PCDHGA2: variants seen among roughly 807,000 people sequenced by gnomAD.
The protein encoded by PCDHGA2 is protocadherin gamma subfamily A, 2.
A neutral mutation model predicts 59.2 loss-of-function variants in PCDHGA2; 40 were observed. That is an observed-to-expected ratio of 0.68 (90% CI 0.52 to 0.88). The LOEUF is 0.88. Among genes scored for constraint, PCDHGA2 ranks in the 40% least tolerant of loss-of-function variants. The pLI is 0.00. For missense variants in PCDHGA2, 1,226 were observed against 1,204.0 expected (o/e 1.02, Z -0.27); for synonymous variants, 560 against 526.0 (o/e 1.06, Z -0.89).
chr5:141,349,199 A>G lies in PCDHGA2; in HGVS notation c.2424+7804A>G, dbSNP rs1402417617. On this transcript the variant is annotated intron_variant, in intron 1 of 3. Transcript: ENST00000394576. ...ATTCTGCTGCCTCAACCTCCCGAGTAGCTGGCGTTACAGGTACCCGCCACC... is the reference window on the plus strand; with the variant it reads ...ATTCTGCTGCCTCAACCTCCCGAGTGGCTGGCGTTACAGGTACCCGCCACC... 2.0e-5 allele frequency among the ~76,000 whole-genome samples: 3 copies of G among 151,900 alleles called. No homozygotes were observed. The East Asian group carries it at 5.8e-4, about 29-fold the overall frequency.
intron 1 of PCDHGA2, chr5:141,366,122 T>G: frequency 6.2e-7 from 1 of 1,614,210 alleles, no homozygotes. Context: ...GGACAAAGAT[T>G]CAGGCCAGAA....
chr5:141,414,469 G>T (rs944183814), intron 1 of PCDHGA2: 1 of 1,613,742 alleles, frequency 6.2e-7, no homozygotes, highest in African/African-American at 1.3e-5. Context: ...CACAGATGGG[G>T]GAAGTCCTCC....
At chr5:141,389,736 G>C in intron 1 of PCDHGA2, 1 of 1,612,710 alleles carries the variant, frequency 6.2e-7, no homozygotes, top group Non-Finnish European at 8.5e-7. Context: ...CTTCAGCCTG[G>C]GGCTGCGCAC....
rs1457099502 is a variant in PCDHGA2 at position 141,477,430 on chromosome 5, A to G, written c.2425-17377A>G. The G allele has an allele frequency of 1.2e-6, 2 of 1,614,162 alleles. No individual in the cohort carries two copies. The highest frequency in any genetic ancestry group is 1.7e-6 in the Non-Finnish European group (2 of 1,180,020). Reference sequence around the variant, plus strand: ...GAGACGCCGGAACCCCTTCCCTCTCAGCCCTTACAATAGTGCGTGTTCAAG... The same window carrying G: ...GAGACGCCGGAACCCCTTCCCTCTCGGCCCTTACAATAGTGCGTGTTCAAG... On this transcript the variant is annotated intron_variant, in intron 1 of 3. Transcript: ENST00000394576. This position sits in a 1 kb window ranked among gnomAD's most constrained non-coding sequence, Gnocchi z 4.9.
At position 141,389,178 on chromosome 5, in the gene PCDHGA2, T is replaced by G. The variant is rs1280956707; in HGVS notation, c.2424+47783T>G. 2 of 1,613,974 alleles carry G rather than the reference T, an allele frequency of 1.2e-6. No individual in the cohort carries two copies. The highest frequency in any genetic ancestry group is 1.7e-6 in the Non-Finnish European group (2 of 1,179,890). ...AGATCGGGGCAAGCCTCCCCTCTCC[T>G]CCAGTTCCAGCATCACCCTGCACAT... On this transcript the variant is annotated intron_variant, in intron 1 of 3. Coordinates refer to ENST00000394576, the MANE Select transcript of PCDHGA2 (RefSeq NM_018915.4).
chr5:141,400,528 A>G, intron 1 of PCDHGA2: 2 of 1,613,868 alleles, frequency 1.2e-6, no homozygotes, highest in South Asian at 2.2e-5. Flanking sequence ...TGAGTTGGTG[A>G]GTTTCATTTA....
Position 141,432,388 on chromosome 5 carries a change from C to T in PCDHGA2, c.2425-62419C>T. The T allele has an allele frequency of 6.2e-7, 1 of 1,614,258 alleles. No homozygotes were observed. The highest frequency in any genetic ancestry group is 2.2e-5 in the East Asian group (1 of 44,892). The stretch of plus-strand genomic sequence containing the variant: ...GGGACAACGGGCACCCGCCCCTCAG[C>T]AGCAACGTGTCGTTGAGCCTGTTCG... On this transcript the variant is annotated intron_variant, in intron 1 of 3. Transcript: ENST00000394576. This position sits in a 1 kb window ranked among gnomAD's most constrained non-coding sequence, Gnocchi z 6.0.
At chr5:141,376,944 C>T (rs1773563928) in intron 1 of PCDHGA2, 1 of 167,020 alleles carries the variant, frequency 6.0e-6, no homozygotes, top group Non-Finnish European at 1.3e-5. Context: ...GCCTCGGCCT[C>T]CCAAAGTGCT....
At chr5:141,389,014 A>G (rs768171301) in intron 1 of PCDHGA2, 54 of 1,614,000 alleles carry the variant, frequency 3.3e-5, no homozygotes, top group Non-Finnish European at 4.5e-5. Flanking sequence ...TCCAGACACA[A>G]TGGAGAAGTG....
intron 1 of PCDHGA2, chr5:141,403,792 A>G: frequency 1.2e-6 from 2 of 1,613,922 alleles, no homozygotes; most frequent in African/African-American, 1.3e-5. Context: ...TGGCATACAA[A>G]TTCTGGAAAA....
intron 1 of PCDHGA2, chr5:141,375,470 GAAAACA>G (rs1452346510): frequency 6.2e-7 from 1 of 1,613,784 alleles, no homozygotes; most frequent in Admixed American, 1.7e-5. Context: ...CTATGTCCTT[GAAAACA>G]ACCCCAGGGG....
At chr5:141,370,537 G>C (rs1484817452) in intron 1 of PCDHGA2, 1 of 1,613,924 alleles carries the variant, frequency 6.2e-7, no homozygotes. Context: ...TCGCTGGTAG[G>C]GAACCTCGCC....
At chr5:141,478,840 A>G (rs2099480064) in intron 1 of PCDHGA2, 1 of 1,410,466 alleles carries the variant, frequency 7.1e-7, no homozygotes, top group Non-Finnish European at 9.3e-7. Context: ...AGGGATGGTT[A>G]AGCTAAAACA....
At chr5:141,364,954 C>T (rs765455076) in intron 1 of PCDHGA2, 17 of 1,613,940 alleles carry the variant, frequency 1.1e-5, no homozygotes, top group Admixed American at 1.0e-4. Flanking sequence ...AGACTGTTCA[C>T]GACCTCCTCC....
At chr5:141,388,376 C>A in intron 1 of PCDHGA2, 1 of 1,613,944 alleles carries the variant, frequency 6.2e-7, no homozygotes, top group Non-Finnish European at 8.5e-7. Context: ...ATATTGGTAG[C>A]AACACACTGC....
chr5:141,364,248 G>A, intron 1 of PCDHGA2: 1 of 1,480,674 alleles, frequency 6.8e-7, no homozygotes. Context: ...TTTCGTCAGG[G>A]AATATGTACC....
intron 1 of PCDHGA2, chr5:141,393,816 A>T: frequency 6.2e-7 from 1 of 1,613,988 alleles, no homozygotes; most frequent in South Asian, 1.1e-5. Context: ...CAAATTGCTC[A>T]TTTCGGTGGA....
At chr5:141,447,230 C>G (rs1309076828) in intron 1 of PCDHGA2, among the ~76,000 whole-genome samples, 1 of 152,132 alleles carries the variant, frequency 6.6e-6, no homozygotes, top group Non-Finnish European at 1.5e-5. Flanking sequence ...ACCTCCGCCT[C>G]CCGGGTTCAA....
In PCDHGA2 at chr5:141,352,029, T is replaced by C. The variant is rs1223261713; in HGVS notation, c.2424+10634T>C. 6.2e-7 allele frequency: 1 copy of C among 1,609,078 alleles called. No individual in the cohort carries two copies. Among genetic ancestry groups the C allele is most frequent in the Non-Finnish European group, 8.5e-7 (1 of 1,179,056 alleles). On this transcript the variant is annotated intron_variant, in intron 1 of 3. Transcript: ENST00000394576. Reference sequence around the variant, plus strand: ...TACCTGGTGACCAAGGTGGTGGCGGTGGACGCAGACTCAGGACACAACGCT... The same window carrying C: ...TACCTGGTGACCAAGGTGGTGGCGGCGGACGCAGACTCAGGACACAACGCT...
Sources: gnomAD v4.1 joint callset for allele counts (sites outside exome capture counted in the v4.1 genomes callset) on GRCh38, gnomAD v4.1.1 for gene constraint, Gnocchi (gnomAD v3.1) non-coding constraint, MANE v1.5 for transcripts, NCBI Gene and HGNC (gene_info 2026-07-23, HGNC 2026-07-21) for gene names.